MED13L: variants seen among roughly 807,000 people sequenced by gnomAD.
MED13L encodes mediator complex subunit 13L.
MED13L carries 7 observed loss-of-function variants against 220.9 expected under a neutral mutation model. That is an observed-to-expected ratio of 0.03 (90% CI 0.02 to 0.06). The LOEUF (loss-of-function observed/expected upper bound fraction) is 0.06. MED13L is among the 10% of genes least tolerant of loss of function. The pLI is 1.00. For missense variants in MED13L, 1,965 were observed against 2,760.5 expected (o/e 0.71, Z 6.46); for synonymous variants, 1,011 against 1,015.2 (o/e 1.00, Z 0.08).
chr12:116,276,982 G>A, intron 1 of MED13L, 78 bp downstream of exon 1: 1 of 1,464,424 alleles, frequency 6.8e-7, no homozygotes, highest in Non-Finnish European at 9.3e-7. Flanking sequence ...GGCGGGAGGA[G>A]AAAGTTGGTC....
chr12:116,104,499 G>A (rs1009835067), intron 3 of MED13L, among the ~76,000 whole-genome samples: 1 of 152,160 alleles, frequency 6.6e-6, no homozygotes, highest in Non-Finnish European at 1.5e-5. Context: ...GGCAAACAGA[G>A]CAGCTCTGGG....
chr12:116,132,269 T>C (rs1047436161), intron 2 of MED13L, among the ~76,000 whole-genome samples: 7 of 120,688 alleles, frequency 5.8e-5, no homozygotes, highest in African/African-American at 2.3e-4. Context: ...AAGAGAGCAA[T>C]ACTTCGTCTC....
intron 1 of MED13L, among the ~76,000 whole-genome samples, chr12:116,275,407 T>C (rs192514739): frequency 1.1e-4 from 17 of 152,332 alleles, no homozygotes; most frequent in African/African-American, 3.8e-4. Flanking sequence ...AAATATTTCA[T>C]TTAAAAAAAT....
intron 2 of MED13L, among the ~76,000 whole-genome samples, chr12:116,131,311 A>G (rs916452438): frequency 5.9e-5 from 9 of 152,258 alleles, no homozygotes; most frequent in African/African-American, 2.2e-4. Flanking sequence ...AGCTAAGCAC[A>G]TATTATAATA....
intron 2 of MED13L, among the ~76,000 whole-genome samples, chr12:116,203,952 T>C (rs1028152420): frequency 2.0e-5 from 3 of 152,220 alleles, no homozygotes; most frequent in Non-Finnish European, 4.4e-5. Context: ...TTTTGGTGAA[T>C]AGGCTAGCCA....
At chr12:115,975,442 A>G in intron 24 of MED13L, 73 bp downstream of exon 24, 1 of 1,592,098 alleles carries the variant, frequency 6.3e-7, no homozygotes, top group Non-Finnish European at 8.6e-7. Context: ...TTACATAGAA[A>G]ACTGGAAATA....
chr12:116,183,323 T>C (rs1461087817), intron 2 of MED13L, among the ~76,000 whole-genome samples: 1 of 152,238 alleles, frequency 6.6e-6, no homozygotes, highest in East Asian at 1.9e-4. Flanking sequence ...GAACATCACC[T>C]ATGAGCAACT....
Position 115,986,971 on chromosome 12 carries a change from G to C in MED13L, c.4114+138C>G, listed in dbSNP as rs532278140. 26 of 913,208 alleles carry C rather than the reference G, an allele frequency of 2.8e-5. No individual in the cohort carries two copies. The East Asian group carries it at 3.6e-4, about 13-fold the overall frequency. The allele number at this position is 913,208 out of a possible 1,614,324, so 56.6% of individuals were successfully genotyped here. ...CCAAAAGTAACTTTAGGAAAACAAAGAGATTATAAAACTAAATGGTCAAAG... is the reference window on the plus strand; with the variant it reads ...CCAAAAGTAACTTTAGGAAAACAAACAGATTATAAAACTAAATGGTCAAAG... On this transcript the variant is annotated intron_variant, in intron 18 of 30. Coordinates refer to ENST00000281928, the MANE Select transcript of MED13L (RefSeq NM_015335.5).
chr12:116,061,049 C>G (rs1416425903), intron 4 of MED13L, among the ~76,000 whole-genome samples: 1 of 152,142 alleles, frequency 6.6e-6, no homozygotes, highest in Non-Finnish European at 1.5e-5. Context: ...AATAAACAAG[C>G]TGATCATTAA....
intron 2 of MED13L, among the ~76,000 whole-genome samples, chr12:116,175,403 T>C (rs1242141255): frequency 6.6e-6 from 1 of 152,172 alleles, no homozygotes; most frequent in Non-Finnish European, 1.5e-5. Context: ...AAAAGCTTAA[T>C]TCTGACGAAA....
At chr12:116,066,072 C>A (rs1015923610) in intron 4 of MED13L, among the ~76,000 whole-genome samples, 6 of 152,144 alleles carry the variant, frequency 3.9e-5, no homozygotes, top group Non-Finnish European at 5.9e-5. Flanking sequence ...GCTATCAAGT[C>A]GGATTCAGTC....
chr12:116,241,083 C>T (rs930644107), intron 1 of MED13L, among the ~76,000 whole-genome samples: 14 of 151,094 alleles, frequency 9.3e-5, no homozygotes, highest in Non-Finnish European at 1.3e-4. Context: ...CAGAGGCGGG[C>T]GGATCACAAG....
chr12:115,972,594 C>T (rs1592901650), intron 25 of MED13L: 4 of 328,984 alleles, frequency 1.2e-5, no homozygotes, highest in Admixed American at 4.0e-5. Context: ...TCTCAAGGTC[C>T]GATTCTTTCA....
intron 2 of MED13L, among the ~76,000 whole-genome samples, chr12:116,136,043 C>T (rs757562522): frequency 1.3e-5 from 2 of 151,942 alleles, no homozygotes; most frequent in Non-Finnish European, 2.9e-5. Flanking sequence ...GCTGGGATTA[C>T]AGGCACCCGC....
chr12:115,966,030 T>C, intron 29 of MED13L, 52 bp downstream of exon 29: 1 of 1,592,994 alleles, frequency 6.3e-7, no homozygotes, highest in Non-Finnish European at 8.6e-7. Context: ...AAATTAAATT[T>C]AAGCGTAAAT....
chr12:116,081,195 T>C (rs1871221250), intron 4 of MED13L, among the ~76,000 whole-genome samples: 1 of 152,244 alleles, frequency 6.6e-6, no homozygotes, highest in African/African-American at 2.4e-5. Flanking sequence ...TATTCTTTTA[T>C]ACATTTCCTA....
intron 18 of MED13L, among the ~76,000 whole-genome samples, chr12:115,986,893 G>T (rs563256362): frequency 6.6e-6 from 1 of 152,294 alleles, no homozygotes; most frequent in African/African-American, 2.4e-5. Context: ...ACTTTTTAGG[G>T]ATTAGCTTCC....
chr12:116,257,779 T>A (rs1872180383), intron 1 of MED13L, among the ~76,000 whole-genome samples: 1 of 152,208 alleles, frequency 6.6e-6, no homozygotes, highest in Non-Finnish European at 1.5e-5. Flanking sequence ...ATTTTTTAGA[T>A]CACATGGTTA....
rs192549470 is a variant in MED13L at position 116,014,424 on chromosome 12, T to C, written c.1175+685A>G. Among the ~76,000 whole-genome samples, 11 of 152,332 alleles carry C rather than the reference T, an allele frequency of 7.2e-5. No homozygotes were observed. In the East Asian group the frequency reaches 1.9e-3, roughly 27 times the overall value. ...TGAAACTGTGCTGATTATGTTTACA[T>C]AAATCTTGATAAGTGGAATAGTACT... On this transcript the variant is annotated intron_variant, in intron 8 of 30. Coordinates refer to ENST00000281928, the MANE Select transcript of MED13L (RefSeq NM_015335.5).
Sources: allele counts gnomAD v4.1 joint callset (sites outside exome capture counted in the v4.1 genomes callset), GRCh38; gene constraint gnomAD v4.1.1; transcripts MANE v1.5; gene names NCBI Gene and HGNC (gene_info 2026-07-23, HGNC 2026-07-21).